Variants in CLEC16A observed in about 807,000 individuals in gnomAD.
CLEC16A encodes protein CLEC16A.
A neutral mutation model predicts 109.5 loss-of-function variants in CLEC16A; 51 were observed. The ratio of observed to expected loss-of-function variants is 0.47; its 90% CI spans 0.37 to 0.59. The LOEUF (loss-of-function observed/expected upper bound fraction) is 0.59, where lower values mean the gene tolerates loss of function less well. Among genes scored for constraint, CLEC16A ranks in the 20% least tolerant of loss-of-function variants. The probability of loss-of-function intolerance (pLI) is 0.00; values close to 1 mark genes in which losing one functional copy is unlikely to be tolerated. For synonymous variants in CLEC16A, 673 were observed against 564.2 expected (o/e 1.19, Z -2.73); for missense variants, 1,339 against 1,394.0 (o/e 0.96, Z 0.63).
intron 19 of CLEC16A, among the ~76,000 whole-genome samples, chr16:11,101,831 A>G (rs1261144503): frequency 6.7e-6 from 1 of 150,128 alleles, no homozygotes; most frequent in African/African-American, 2.5e-5. Flanking sequence ...GAAACAGGGT[A>G]TCCTTCTGTT....
chr16:11,050,403 C>T (rs1033649611), intron 17 of CLEC16A, among the ~76,000 whole-genome samples: 2 of 152,220 alleles, frequency 1.3e-5, no homozygotes, highest in African/African-American at 2.4e-5. Context: ...ATGTAGTCAG[C>T]TTTACCTAGC....
intron 19 of CLEC16A, among the ~76,000 whole-genome samples, chr16:11,080,957 G>C (rs1219245921): frequency 6.6e-6 from 1 of 152,238 alleles, no homozygotes; most frequent in East Asian, 1.9e-4. Context: ...TAGGTCGTGG[G>C]CATCTTTGGG....
At chr16:11,068,986 CTTTTTTTT>C (rs34421150) in intron 19 of CLEC16A, among the ~76,000 whole-genome samples, 2 of 123,466 alleles carry the variant, frequency 1.6e-5, no homozygotes, top group Non-Finnish European at 3.5e-5. Flanking sequence ...GGCTAATTTT[CTTTTTTTT>C]TTTTTTTTTT....
At chr16:10,978,673 G>A (rs1237438577) in intron 8 of CLEC16A, among the ~76,000 whole-genome samples, 3 of 152,196 alleles carry the variant, frequency 2.0e-5, no homozygotes, top group African/African-American at 7.2e-5. Context: ...GTGTGTGTGT[G>A]AGAAGACTAT....
chr16:11,152,905 G>A (rs1369358353), intron 22 of CLEC16A, among the ~76,000 whole-genome samples: 1 of 152,106 alleles, frequency 6.6e-6, no homozygotes, highest in Non-Finnish European at 1.5e-5. Flanking sequence ...AGGCTGAGAC[G>A]CTTCCAGGAA....
chr16:11,047,132 G>C (rs36046510), intron 16 of CLEC16A, among the ~76,000 whole-genome samples, 160 bp from the exon 17 acceptor site: 2,063 of 152,218 alleles, frequency 0.014, 33 homozygotes, highest in African/African-American at 0.046. Context: ...GAGCGTGTGT[G>C]TTTGTGTTCA....
intron 21 of CLEC16A, among the ~76,000 whole-genome samples, chr16:11,125,088 C>G (rs1164582238): frequency 6.6e-6 from 1 of 152,106 alleles, no homozygotes; most frequent in Admixed American, 6.5e-5. Context: ...GACCCTGTCT[C>G]AAAATAAACC....
intron 10 of CLEC16A, among the ~76,000 whole-genome samples, chr16:10,994,108 G>A (rs929714360): frequency 1.3e-5 from 2 of 152,206 alleles, no homozygotes; most frequent in African/African-American, 2.4e-5. Context: ...ACATTTCCTT[G>A]CTTTACGCCT....
At chr16:11,106,335 C>G (rs1160932107) in intron 19 of CLEC16A, among the ~76,000 whole-genome samples, 1 of 152,098 alleles carries the variant, frequency 6.6e-6, no homozygotes, top group Non-Finnish European at 1.5e-5. Context: ...CTCACCCAGG[C>G]TGGAGTGCAG....
rs1396901135 is a variant in CLEC16A at position 10,961,459 on chromosome 16, G to A, written c.210-996G>A. On this transcript the variant is annotated intron_variant, in intron 2 of 23. Coordinates refer to ENST00000409790, the MANE Select transcript of CLEC16A (RefSeq NM_015226.3). This position sits in a 1 kb window ranked among gnomAD's most constrained non-coding sequence, Gnocchi z 4.3. ...TTTCTTCCAAGTGTCCCAGATGCAA[G>A]ATTATCTGGTGTTAGCTTGAGTACA... 6.6e-6 allele frequency among the ~76,000 whole-genome samples: 1 copy of A among 152,162 alleles called. No homozygotes were observed. The highest frequency in any genetic ancestry group is 2.4e-5 in the African/African-American group (1 of 41,430).
At chr16:11,176,562 C>A (rs4781039) in intron 23 of CLEC16A, among the ~76,000 whole-genome samples, 97,296 of 151,976 alleles carry the variant, frequency 0.64, 31,332 homozygotes, top group South Asian at 0.77. Context: ...CGTAATGAGA[C>A]CCCGTCTCTA....
intron 19 of CLEC16A, among the ~76,000 whole-genome samples, chr16:11,111,972 T>G (rs1284625094): frequency 4.6e-5 from 7 of 152,278 alleles, no homozygotes; most frequent in Non-Finnish European, 1.5e-5. Context: ...CCTTTGAATG[T>G]TGTAGCAAAA....
chr16:10,979,848 A>G (rs2043222743), intron 9 of CLEC16A, among the ~76,000 whole-genome samples: 1 of 152,164 alleles, frequency 6.6e-6, no homozygotes, highest in Non-Finnish European at 1.5e-5. Flanking sequence ...TTCCCAGATT[A>G]CCGTGTGGAA....
chr16:11,091,041 C>G lies in CLEC16A; in HGVS notation c.2117-29574C>G, dbSNP rs1006496116. Among the ~76,000 whole-genome samples the G allele has an allele frequency of 3.9e-5, 6 of 152,166 alleles. No individual in the cohort carries two copies. In the South Asian group the frequency reaches 1.2e-3, roughly 32 times the overall value. On this transcript the variant is annotated intron_variant, in intron 19 of 23. Coordinates refer to ENST00000409790, the MANE Select transcript of CLEC16A (RefSeq NM_015226.3). Reference sequence around the variant, plus strand: ...TCTTAAACTTCTGGGCTCAAGCACCCCGCCCACCTTGGCCTCCCAAGGTGT... The same window carrying G: ...TCTTAAACTTCTGGGCTCAAGCACCGCGCCCACCTTGGCCTCCCAAGGTGT...
chr16:11,115,040 G>A (rs1306883758), intron 19 of CLEC16A, among the ~76,000 whole-genome samples: 1 of 151,984 alleles, frequency 6.6e-6, no homozygotes, highest in African/African-American at 2.4e-5. Context: ...TTCCTTTTTT[G>A]TTCTTTGTGG....
intron 19 of CLEC16A, among the ~76,000 whole-genome samples, chr16:11,108,138 C>T (rs1379939710): frequency 6.6e-6 from 1 of 152,248 alleles, no homozygotes; most frequent in Non-Finnish European, 1.5e-5. Flanking sequence ...AGCCATCCTT[C>T]TGCTGGTCTG....
chr16:11,003,244 C>G lies in CLEC16A; in HGVS notation c.1242C>G (p.Ala414=). 6.2e-7 allele frequency: 1 copy of G among 1,613,044 alleles called. No homozygotes were observed. The highest frequency in any genetic ancestry group is 8.5e-7 in the Non-Finnish European group (1 of 1,179,800). Residue 414 remains alanine, a synonymous_variant, in exon 11 of 24, where the codon GCC becomes GCG. Transcript: ENST00000409790. ...KGPTEDAQED[A]EKAKGTEGGS... is the part of the protein sequence containing the mutation. ...CCACCGAGGATGCCCAAGAAGACGC[C>G]GAGAAGGCTAAAGGTACAGAGGGTG...
chr16:10,973,151 C>T lies in CLEC16A; in HGVS notation c.728+90C>T, dbSNP rs16957851. The T allele has an allele frequency of 2.8e-3, 3,946 of 1,415,838 alleles. 70 individuals are homozygous for T. In the African/African-American group the frequency reaches 0.048, roughly 17 times the overall value. The allele number at this position is 1,415,838 out of a possible 1,614,324, so 87.7% of individuals were successfully genotyped here. ...ATCAAGGAAAAATAAACACAAGAAC[C>T]GCACTTCCCTACCTCTGTGTAGGCA... On this transcript the variant is annotated intron_variant, in intron 7 of 23. Coordinates refer to ENST00000409790, the MANE Select transcript of CLEC16A (RefSeq NM_015226.3).
intron 21 of CLEC16A, among the ~76,000 whole-genome samples, chr16:11,125,177 C>T (rs369806849): frequency 6.6e-6 from 1 of 152,158 alleles, no homozygotes; most frequent in African/African-American, 2.4e-5. Context: ...CCCACGTTGT[C>T]GTCCCCGTCT....
Sources: gnomAD v4.1 joint callset for allele counts (sites outside exome capture counted in the v4.1 genomes callset) on GRCh38, gnomAD v4.1.1 for gene constraint, Gnocchi (gnomAD v3.1) non-coding constraint, MANE v1.5 for transcripts, NCBI Gene and HGNC (gene_info 2026-07-23, HGNC 2026-07-21) for gene names.